PLVAP: variants seen among roughly 807,000 people sequenced by gnomAD.
The protein encoded by PLVAP is plasmalemma vesicle associated protein, also known as plasmalemma vesicle-associated protein.
In PLVAP, 34 loss-of-function variants were observed where a neutral mutation model predicts 43.1. That is an observed-to-expected ratio of 0.79 (90% CI 0.60 to 1.05). The LOEUF (loss-of-function observed/expected upper bound fraction) is 1.05. PLVAP is among the 50% of genes least tolerant of loss of function. The pLI, the probability that PLVAP is intolerant of heterozygous loss-of-function variation, is 0.00. For synonymous variants in PLVAP, 241 were observed against 237.3 expected (o/e 1.02, Z -0.14); for missense variants, 574 against 593.4 (o/e 0.97, Z 0.34).
intron 5 of PLVAP, among the ~76,000 whole-genome samples, chr19:17,355,467 G>T (rs2074503205): frequency 6.6e-6 from 1 of 151,110 alleles, no homozygotes; most frequent in Admixed American, 6.6e-5. Flanking sequence ...GGCTCAAGCA[G>T]TCCTCCTGCC....
intron 1 of PLVAP, among the ~76,000 whole-genome samples, chr19:17,369,844 T>C (rs1237044175): frequency 6.7e-6 from 1 of 148,702 alleles, no homozygotes; most frequent in Non-Finnish European, 1.5e-5. Context: ...CTACTAAAAA[T>C]ACAAAAAAAT....
chr19:17,371,948 G>A (rs1473888294), intron 1 of PLVAP, among the ~76,000 whole-genome samples: 1 of 151,954 alleles, frequency 6.6e-6, no homozygotes, highest in Non-Finnish European at 1.5e-5. Flanking sequence ...TTGGCCCTGG[G>A]TGAATGTCCT....
intron 5 of PLVAP, among the ~76,000 whole-genome samples, chr19:17,357,006 G>C (rs1313611815): frequency 6.6e-6 from 1 of 151,822 alleles, no homozygotes. Context: ...GAGGCCGGAG[G>C]GGGTGGCTTA....
chr19:17,373,435 G>A (rs951597026), intron 1 of PLVAP, among the ~76,000 whole-genome samples: 2 of 152,082 alleles, frequency 1.3e-5, no homozygotes, highest in Admixed American at 1.3e-4. Flanking sequence ...GGACTGAGGG[G>A]GCTGAGCTTA....
chr19:17,360,607 G>T lies in PLVAP; in HGVS notation c.1243C>A (p.Pro415Thr). Reference sequence around the variant, plus strand: ...CTCTTGAACTCCTCCAGGCTAGCTGGGTCTGTGGAGGGAGAGAGGTGAGGC... The same window carrying T: ...CTCTTGAACTCCTCCAGGCTAGCTGTGTCTGTGGAGGGAGAGAGGTGAGGC... ...GPVPNPQPIDPASLEEFKRKI... is the reference protein window; with the variant it reads ...GPVPNPQPIDTASLEEFKRKI... Residue 415 changes from proline (P) to threonine (T), a missense_variant and splice_region_variant, in exon 5 of 6, where the codon CCA becomes ACA. Coordinates refer to ENST00000252590, the MANE Select transcript of PLVAP (RefSeq NM_031310.3). 6.2e-7 allele frequency: 1 copy of T among 1,612,040 alleles called. No individual in the cohort carries two copies. The highest frequency in any genetic ancestry group is 1.7e-4 in the Middle Eastern group (1 of 6,006).
chr19:17,373,867 T>TA (rs2074584210), intron 1 of PLVAP, among the ~76,000 whole-genome samples: 1 of 152,050 alleles, frequency 6.6e-6, no homozygotes. Context: ...GCAAAGGGTT[T>TA]AAAACTTCTG....
At chr19:17,354,413 A>G (rs1368432353) in intron 5 of PLVAP, among the ~76,000 whole-genome samples, 2 of 151,836 alleles carry the variant, frequency 1.3e-5, no homozygotes, top group Admixed American at 6.6e-5. Context: ...CCTGGCCAAC[A>G]TGGCGAAACG....
intron 1 of PLVAP, among the ~76,000 whole-genome samples, chr19:17,375,895 A>C (rs984253507): frequency 1.3e-5 from 2 of 150,168 alleles, no homozygotes; most frequent in African/African-American, 4.9e-5. Flanking sequence ...AAAAAAAAAA[A>C]AATTGCCAGG....
chr19:17,375,958 A>G (rs2074593568), intron 1 of PLVAP, among the ~76,000 whole-genome samples: 2 of 149,972 alleles, frequency 1.3e-5, no homozygotes, highest in Admixed American at 6.7e-5. Flanking sequence ...AGGAGGGAGG[A>G]TTGTTTGAGC....
Position 17,366,170 on chromosome 19 carries a change from T to G in PLVAP, c.395A>C (p.Tyr132Ser). ...CTCACTCAAGATGATGGCAGCCATG[T>G]ACCTCTGATTGTTCGTGTAGATGAC... ...DRVIYTNNQR[Y>S]MAAIILSEKQ... is the part of the protein sequence containing the mutation. The change falls in exon 2 of 6, where the codon TAC becomes TCC. Residue 132 changes from tyrosine (Y) to serine (S), a missense_variant. Coordinates refer to ENST00000252590, the MANE Select transcript of PLVAP (RefSeq NM_031310.3). The G allele has an allele frequency of 6.2e-7, 1 of 1,614,190 alleles. No homozygotes were observed. Among genetic ancestry groups the G allele is most frequent in the South Asian group, 1.1e-5 (1 of 91,082 alleles).
rs1242190388 is a variant in PLVAP at position 17,352,050 on chromosome 19, C to T, written c.*312G>A. The T allele has an allele frequency of 2.3e-6, 1 of 439,274 alleles. No homozygotes were observed. Among genetic ancestry groups the T allele is most frequent in the Non-Finnish European group, 4.2e-6 (1 of 239,494 alleles). The allele number at this position is 439,274 out of a possible 1,614,324, so 27.2% of individuals were successfully genotyped here. A position where few individuals can be genotyped will look rare whatever the true frequency, so the allele number is the denominator to read the frequency against. ...CTGTGTGCGACGTGCTGCATCTGCACGACGCCATCGCTATATCTCTTCGTG... is the reference window on the plus strand; with the variant it reads ...CTGTGTGCGACGTGCTGCATCTGCATGACGCCATCGCTATATCTCTTCGTG... On this transcript the variant is annotated 3_prime_UTR_variant, in exon 6 of 6. Transcript: ENST00000252590.
At chr19:17,364,875 C>T (rs1050491777) in intron 3 of PLVAP, among the ~76,000 whole-genome samples, 16 of 147,882 alleles carry the variant, frequency 1.1e-4, no homozygotes, top group African/African-American at 3.5e-4. Flanking sequence ...CGGGTTCAAG[C>T]GATTCTCCTG....
intron 4 of PLVAP, 40 bp from the exon 5 acceptor site, chr19:17,360,649 G>C (rs1568373954): frequency 6.3e-7 from 1 of 1,592,784 alleles, no homozygotes; most frequent in East Asian, 2.2e-5. Flanking sequence ...TACAGCTTCA[G>C]TTGCCCCTGC....
intron 3 of PLVAP, 105 bp downstream of exon 3, chr19:17,365,181 C>A: frequency 9.7e-7 from 1 of 1,030,048 alleles, no homozygotes; most frequent in South Asian, 1.6e-5. Flanking sequence ...CCAACCTAGA[C>A]CAGGAAGCCA....
At chr19:17,365,025 G>A (rs1279609933) in intron 3 of PLVAP, among the ~76,000 whole-genome samples, 1 of 151,968 alleles carries the variant, frequency 6.6e-6, no homozygotes, top group Non-Finnish European at 1.5e-5. Flanking sequence ...CACCCACCTT[G>A]GCCTCCCAAA....
intron 1 of PLVAP, among the ~76,000 whole-genome samples, chr19:17,373,450 C>T (rs1207739828): frequency 3.3e-5 from 5 of 152,176 alleles, no homozygotes; most frequent in Non-Finnish European, 7.4e-5. Flanking sequence ...AGCTTACCTT[C>T]CTGCCCAGTG....
chr19:17,367,135 G>A (rs1208674901), intron 1 of PLVAP, among the ~76,000 whole-genome samples: 1 of 151,616 alleles, frequency 6.6e-6, no homozygotes, highest in African/African-American at 2.4e-5. Flanking sequence ...TTAGAGATGG[G>A]GGTTTTACCA....
intron 3 of PLVAP, 61 bp from the exon 4 acceptor site, chr19:17,360,893 CT>C: frequency 2.3e-6 from 3 of 1,317,110 alleles, no homozygotes; most frequent in Non-Finnish European, 3.2e-6. Context: ...AGGCTTCTGC[CT>C]TTTCTTTTCT....
chr19:17,365,379 G>A lies in PLVAP; in HGVS notation c.1086C>T (p.Ala362=), dbSNP rs1256403660. 10 of 1,613,398 alleles carry A rather than the reference G, an allele frequency of 6.2e-6. No homozygotes were observed. The East Asian group carries it at 2.0e-4, about 32-fold the overall frequency. The change falls in exon 3 of 6, where the codon GCC becomes GCT. Residue 362 remains alanine (A), a synonymous_variant. Transcript: ENST00000252590. ...AVLRKERDNL[A]KELEEKKREA... is the part of the protein sequence containing the mutation. ...CCCTCTTCTTCTCTTCCAGCTCCTTGGCCAGGTTGTCTCGTTCCTTCCGCA... is the reference window on the plus strand; with the variant it reads ...CCCTCTTCTTCTCTTCCAGCTCCTTAGCCAGGTTGTCTCGTTCCTTCCGCA...
Sources: gnomAD v4.1 joint callset for allele counts (sites outside exome capture counted in the v4.1 genomes callset) on GRCh38, gnomAD v4.1.1 for gene constraint, MANE v1.5 for transcripts, NCBI Gene and HGNC (gene_info 2026-07-23, HGNC 2026-07-21) for gene names.